COXFA4L2: variants seen among roughly 807,000 people sequenced by gnomAD.
The protein encoded by COXFA4L2 is NADH dehydrogenase (ubiquinone) 1 alpha subcomplex, 4-like 2.
chr12:57,238,407 T>TGGG, the COXFA4L2 span, among the ~76,000 whole-genome samples: 39 of 150,354 alleles, frequency 2.6e-4, no homozygotes, highest in African/African-American at 9.5e-4. This position sits in a 1 kb window ranked among gnomAD's most constrained non-coding sequence, Gnocchi z 6.8. Flanking sequence ...GCGATGTGTG[T>TGGG]GGGGGGGGCG....
At chr12:57,235,234 G>A in the COXFA4L2 span, 16 of 393,646 alleles carry the variant, frequency 4.1e-5, no homozygotes, top group Middle Eastern at 6.9e-4. Flanking sequence ...CGTAGGCCAC[G>A]CTCAACACGT....
At chr12:57,237,124 G>C in the COXFA4L2 span, 1 of 1,614,144 alleles carries the variant, frequency 6.2e-7, no homozygotes, top group African/African-American at 1.3e-5. Flanking sequence ...CAGTGGCTCT[G>C]TCCTCTCCCT....
chr12:57,235,405 G>A, the COXFA4L2 span: 3 of 779,772 alleles, frequency 3.8e-6, no homozygotes, highest in African/African-American at 1.7e-5. Flanking sequence ...GAGGAGAGTA[G>A]GGGTGGAGCA....
chr12:57,239,805 C>T, the COXFA4L2 span: 5 of 153,062 alleles, frequency 3.3e-5, no homozygotes, highest in East Asian at 7.7e-4. This position sits in a 1 kb window ranked among gnomAD's most constrained non-coding sequence, Gnocchi z 5.5. Flanking sequence ...CTCCCTCCCT[C>T]CACATCTCTC....
the COXFA4L2 span, among the ~76,000 whole-genome samples, chr12:57,238,796 C>G: frequency 1.3e-5 from 2 of 152,232 alleles, no homozygotes; most frequent in Non-Finnish European, 1.5e-5. This position sits in a 1 kb window ranked among gnomAD's most constrained non-coding sequence, Gnocchi z 6.8. Context: ...GCCTCCGCCC[C>G]GCTCACCGAG....
chr12:57,240,299 C>G, the COXFA4L2 span: 2 of 152,196 alleles, frequency 1.3e-5, no homozygotes, highest in Non-Finnish European at 2.9e-5. Context: ...GTCCCGGCTC[C>G]TGGCCGGGCT....
At chr12:57,237,248 C>G in the COXFA4L2 span, 1 of 1,476,284 alleles carries the variant, frequency 6.8e-7, no homozygotes, top group Non-Finnish European at 9.0e-7. Context: ...CTCACTTTCT[C>G]CTCAATTCCA....
the COXFA4L2 span, chr12:57,237,367 T>C: frequency 7.3e-7 from 1 of 1,373,882 alleles, no homozygotes; most frequent in African/African-American, 1.5e-5. Context: ...TTCTTGGGGC[T>C]TCTGGCATCT....
the COXFA4L2 span, chr12:57,239,768 G>C: frequency 6.5e-6 from 1 of 153,358 alleles, no homozygotes; most frequent in Non-Finnish European, 1.5e-5. This position sits in a 1 kb window ranked among gnomAD's most constrained non-coding sequence, Gnocchi z 5.5. Flanking sequence ...CCTCTGCATC[G>C]GTTTTTCTGT....
the COXFA4L2 span, chr12:57,240,067 C>A: frequency 6.6e-6 from 1 of 152,312 alleles, no homozygotes; most frequent in East Asian, 1.9e-4. Context: ...TGGAGGGGCG[C>A]CCGGAAAGGA....
chr12:57,235,640 G>T, the COXFA4L2 span: 1 of 1,614,108 alleles, frequency 6.2e-7, no homozygotes, highest in African/African-American at 1.3e-5. Context: ...AGGGAAAGGG[G>T]GTTGCGCTGA....
At chr12:57,238,124 T>C in the COXFA4L2 span, among the ~76,000 whole-genome samples, 1 of 152,052 alleles carries the variant, frequency 6.6e-6, no homozygotes, top group Non-Finnish European at 1.5e-5. This position sits in a 1 kb window ranked among gnomAD's most constrained non-coding sequence, Gnocchi z 6.8. Flanking sequence ...CAGCCGATCC[T>C]GCAGAGCACC....
chr12:57,236,957 G>A, the COXFA4L2 span: 1 of 1,589,310 alleles, frequency 6.3e-7, no homozygotes, highest in South Asian at 1.1e-5. Flanking sequence ...ACAAGGCAAG[G>A]CATTGGGGGA....
chr12:57,235,465 G>A, the COXFA4L2 span: 2 of 1,308,970 alleles, frequency 1.5e-6, no homozygotes, highest in South Asian at 1.2e-5. Context: ...AGCGGGACAG[G>A]GTGGCCGGAG....
At chr12:57,236,348 G>C in the COXFA4L2 span, 1 of 482,668 alleles carries the variant, frequency 2.1e-6, no homozygotes, top group Non-Finnish European at 3.6e-6. Flanking sequence ...CGTCGTCATG[G>C]CAACCCGGCC....
At chr12:57,239,811 C>T in the COXFA4L2 span, 1 of 152,852 alleles carries the variant, frequency 6.5e-6, no homozygotes, top group Non-Finnish European at 1.5e-5. This position sits in a 1 kb window ranked among gnomAD's most constrained non-coding sequence, Gnocchi z 5.5. Context: ...CCCTCCACAT[C>T]TCTCCATCTC....
At chr12:57,236,535 T>C in the COXFA4L2 span, 1 of 1,438,672 alleles carries the variant, frequency 7.0e-7, no homozygotes. Flanking sequence ...GGGCCGCCTA[T>C]TTCCACCCCA....
the COXFA4L2 span, chr12:57,236,375 C>T: frequency 6.0e-6 from 3 of 496,588 alleles, no homozygotes; most frequent in Non-Finnish European, 7.1e-6. Context: ...GGCGCGGGTT[C>T]CGCATTTCAG....
the COXFA4L2 span, chr12:57,240,682 C>CA: frequency 8.1e-6 from 8 of 985,558 alleles, no homozygotes; most frequent in Admixed American, 6.1e-5. Flanking sequence ...CACATACCTG[C>CA]AGGCGGAGAC....
Sources: allele counts gnomAD v4.1 joint callset (sites outside exome capture counted in the v4.1 genomes callset), GRCh38; gene constraint gnomAD v4.1.1; non-coding constraint Gnocchi (gnomAD v3.1); transcripts MANE v1.5; gene names NCBI Gene and HGNC (gene_info 2026-07-23, HGNC 2026-07-21).